The following PLEKHA7 variants were observed in gnomAD, a reference collection of about 807,000 sequenced individuals.
PLEKHA7 encodes the protein pleckstrin homology domain containing A7.
In PLEKHA7, 104 loss-of-function variants were observed where a neutral mutation model predicts 170.0. The observed-to-expected ratio is 0.61, with a 90% CI of 0.52 to 0.72. The LOEUF (loss-of-function observed/expected upper bound fraction) is 0.72, where lower values mean the gene tolerates loss of function less well. Among genes scored for constraint, PLEKHA7 ranks in the 30% least tolerant of loss-of-function variants. PLEKHA7 has a pLI of 0.00. For missense variants in PLEKHA7, 1,615 were observed against 1,671.7 expected, an observed-to-expected ratio of 0.97 and a Z score of 0.59; for synonymous variants, 648 against 660.8, an observed-to-expected ratio of 0.98 and a Z score of 0.30.
rs1198830440 is a variant in PLEKHA7, at chr11:16,791,744, A to G, written c.2746-545T>C. 2.2e-6 allele frequency: 1 copy of G among 451,000 alleles called. No homozygotes were observed. Among genetic ancestry groups the G allele is most frequent in the Non-Finnish European group, 4.5e-6 (1 of 223,578 alleles). The allele number at this position is 451,000 out of a possible 1,614,324, so 27.9% of individuals were successfully genotyped here. A position where few individuals can be genotyped will look rare whatever the true frequency, so the allele number is the denominator to read the frequency against. On this transcript the variant is annotated intron_variant, in intron 19 of 26. Coordinates refer to ENST00000531066, the MANE Select transcript of PLEKHA7 (RefSeq NM_001329630.2). The surrounding 1 kb of genome is among the most constrained non-coding windows in gnomAD (Gnocchi z 4.5). ...TCAGAAATGTGCATGGTTACAAAAT[A>G]TTTCCTCCTTCCTGACTCAGACAGA...
intron 3 of PLEKHA7, among the ~76,000 whole-genome samples, chr11:16,998,245 AC>A (rs35740596): frequency 2.0e-5 from 3 of 151,888 alleles, no homozygotes; most frequent in Admixed American, 1.3e-4. Flanking sequence ...TCACAGCCCC[AC>A]CCCTCAGCTC....
Position 16,855,897 on chromosome 11 carries a change from G to A in PLEKHA7, c.323C>T (p.Ser108Leu), listed in dbSNP as rs201260044. The change falls in exon 5 of 27, where the codon TCG becomes TTG. Residue 108 changes from serine to leucine, a missense_variant. Coordinates refer to ENST00000531066, the MANE Select transcript of PLEKHA7 (RefSeq NM_001329630.2). ...ILQEEPNPHM[S>L]KQDRNQRPSS... ...CGGTCTTTGGTTTCTGTCTTGCTTC[G>A]ACATATGTGGATTCGGCCTGTGAGG... The A allele has an allele frequency of 5.0e-6, 8 of 1,613,816 alleles. No individual in the cohort carries two copies. Among genetic ancestry groups the A allele is most frequent in the Admixed American group, 1.7e-5 (1 of 59,996 alleles).
chr11:16,877,521 C>T (rs560860354), intron 3 of PLEKHA7, among the ~76,000 whole-genome samples: 1 of 152,304 alleles, frequency 6.6e-6, no homozygotes, highest in South Asian at 2.1e-4. Context: ...TAATGCAAAG[C>T]ATCATCATTA....
At chr11:16,924,464 A>G (rs1300543359) in intron 3 of PLEKHA7, among the ~76,000 whole-genome samples, 1 of 152,094 alleles carries the variant, frequency 6.6e-6, no homozygotes, top group African/African-American at 2.4e-5. Context: ...TGCTGAGAGG[A>G]CTCAGGTCTC....
At chr11:16,860,287 A>C (rs1853835061) in intron 4 of PLEKHA7, among the ~76,000 whole-genome samples, 1 of 152,208 alleles carries the variant, frequency 6.6e-6, no homozygotes, top group South Asian at 2.1e-4. Context: ...TATAACTGAC[A>C]GATGTAGTAA....
chr11:16,819,492 G>T (rs144678802), intron 10 of PLEKHA7, among the ~76,000 whole-genome samples: 1 of 152,370 alleles, frequency 6.6e-6, no homozygotes, highest in Non-Finnish European at 1.5e-5. Flanking sequence ...TGTAAAAAGA[G>T]AACAAGTTTT....
At chr11:17,009,595 A>G (rs1243398370) in intron 3 of PLEKHA7, among the ~76,000 whole-genome samples, 1 of 152,082 alleles carries the variant, frequency 6.6e-6, no homozygotes, top group Non-Finnish European at 1.5e-5. Context: ...GATTCATAGT[A>G]GAGAAGTGCT....
At chr11:16,975,685 T>C (rs948920011) in intron 3 of PLEKHA7, among the ~76,000 whole-genome samples, 2 of 152,186 alleles carry the variant, frequency 1.3e-5, no homozygotes, top group African/African-American at 4.8e-5. Flanking sequence ...AACACACATA[T>C]AAATACATAG....
At chr11:16,955,395 A>G (rs1217117663) in intron 3 of PLEKHA7, among the ~76,000 whole-genome samples, 2 of 152,202 alleles carry the variant, frequency 1.3e-5, no homozygotes, top group Non-Finnish European at 2.9e-5. Context: ...ATACTCATGA[A>G]GATACTTGTT....
At chr11:16,872,046 G>C (rs370981340) in intron 3 of PLEKHA7, among the ~76,000 whole-genome samples, 29 of 147,028 alleles carry the variant, frequency 2.0e-4, no homozygotes, top group African/African-American at 7.4e-4. Flanking sequence ...TCGGCTCACA[G>C]CAACTTCCGC....
At chr11:16,829,989 C>A (rs4757434) in intron 9 of PLEKHA7, among the ~76,000 whole-genome samples, 69,254 of 147,376 alleles carry the variant, frequency 0.47, 17,554 homozygotes, top group East Asian at 0.71. Context: ...TTTTTTTTTT[C>A]TTTTTCTGAT....
At chr11:16,848,233 T>C (rs1852625136) in intron 8 of PLEKHA7, among the ~76,000 whole-genome samples, 1 of 152,234 alleles carries the variant, frequency 6.6e-6, no homozygotes, top group Non-Finnish European at 1.5e-5. Context: ...CTTGAGAATA[T>C]AAGCCCTAAA....
chr11:16,971,968 C>A (rs963937793), intron 3 of PLEKHA7, among the ~76,000 whole-genome samples: 2 of 151,784 alleles, frequency 1.3e-5, no homozygotes, highest in Non-Finnish European at 1.5e-5. Flanking sequence ...TGATTACAGG[C>A]ATGTGCCACC....
At chr11:17,006,354 C>T (rs143371469) in intron 3 of PLEKHA7, among the ~76,000 whole-genome samples, 3 of 147,114 alleles carry the variant, frequency 2.0e-5, no homozygotes, top group East Asian at 4.1e-4. Flanking sequence ...CGTCCAGGCA[C>T]GGTGGCTCAC....
In PLEKHA7 at chr11:16,855,816, T is replaced by C. The variant is rs1326736886; in HGVS notation, c.404A>G (p.Lys135Arg). 6.2e-6 allele frequency: 10 copies of C among 1,611,908 alleles called. No homozygotes were observed. The East Asian group carries it at 2.0e-4, about 32-fold the overall frequency. ...TAGTASTLEA[K>R]PGPKIIKSSS... ...CCAGGAGCTCACCTTGGGTCCAGGC[T>C]TGGCCTCCAGGGTGGAGGCGGTCCC... Residue 135 changes from lysine to arginine, a missense_variant, in exon 5 of 27, where the codon AAG becomes AGG. Transcript: ENST00000531066.
chr11:16,810,240 G>A (rs1849275215), intron 13 of PLEKHA7, among the ~76,000 whole-genome samples: 1 of 152,210 alleles, frequency 6.6e-6, no homozygotes, highest in East Asian at 1.9e-4. Flanking sequence ...CAGTGGTTCT[G>A]CAAGCCGTCA....
At chr11:16,912,551 A>C (rs1377266552) in intron 3 of PLEKHA7, among the ~76,000 whole-genome samples, 1 of 151,804 alleles carries the variant, frequency 6.6e-6, no homozygotes, top group African/African-American at 2.4e-5. Flanking sequence ...TGCTGACTTC[A>C]TTTCAATCAA....
intron 3 of PLEKHA7, among the ~76,000 whole-genome samples, chr11:16,894,622 A>G (rs1856883619): frequency 6.6e-6 from 1 of 152,158 alleles, no homozygotes; most frequent in Admixed American, 6.5e-5. Context: ...TTTGTAAAAT[A>G]TCTCCTAAAT....
intron 3 of PLEKHA7, among the ~76,000 whole-genome samples, chr11:16,982,019 G>A (rs1036073732): frequency 1.5e-4 from 23 of 152,202 alleles, no homozygotes; most frequent in Non-Finnish European, 2.2e-4. Context: ...AAGGACAGAC[G>A]GTGGTGAGAG....
Sources: allele counts gnomAD v4.1 joint callset (sites outside exome capture counted in the v4.1 genomes callset), GRCh38; gene constraint gnomAD v4.1.1; non-coding constraint Gnocchi (gnomAD v3.1); transcripts MANE v1.5; gene names NCBI Gene and HGNC (gene_info 2026-07-23, HGNC 2026-07-21).